The following MAN2A1 variants were observed in gnomAD, a reference collection of about 807,000 sequenced individuals.
MAN2A1 encodes the protein alpha-mannosidase 2.
Under a neutral mutation model 142.6 loss-of-function variants are expected in MAN2A1, and 76 were observed. The ratio of observed to expected loss-of-function variants is 0.53; its 90% confidence interval spans 0.44 to 0.65. MAN2A1 has a LOEUF of 0.65. MAN2A1 is among the 30% of genes least tolerant of loss of function. The probability of loss-of-function intolerance (pLI) is 0.00; values close to 1 mark genes in which losing one functional copy is unlikely to be tolerated. For missense variants in MAN2A1, 1,311 were observed against 1,365.1 expected (o/e 0.96, Z 0.62); for synonymous variants, 559 against 473.2 (o/e 1.18, Z -2.35).
intron 1 of MAN2A1, among the ~76,000 whole-genome samples, chr5:109,702,841 G>A (rs1203611095): frequency 1.3e-5 from 2 of 152,106 alleles, no homozygotes; most frequent in Non-Finnish European, 2.9e-5. Context: ...GTCTCACCTT[G>A]CCCTTGTAGA....
intron 16 of MAN2A1, among the ~76,000 whole-genome samples, chr5:109,828,401 C>T (rs541983254): frequency 1.3e-4 from 20 of 152,236 alleles, no homozygotes; most frequent in Middle Eastern, 3.4e-3. Flanking sequence ...AACAGAAGCT[C>T]CTGTATCCTC....
At chr5:109,808,843 A>C (rs945885382) in intron 12 of MAN2A1, among the ~76,000 whole-genome samples, 9 of 151,750 alleles carry the variant, frequency 5.9e-5, no homozygotes, top group Non-Finnish European at 1.3e-4. Context: ...AGCTGGGACT[A>C]CACACACGCA....
intron 12 of MAN2A1, among the ~76,000 whole-genome samples, chr5:109,800,930 C>A (rs2216555): frequency 0.38 from 57,604 of 151,914 alleles, 11,862 homozygotes; most frequent in African/African-American, 0.55. Context: ...AGTGATGAAC[C>A]CTTATGGGAA....
At chr5:109,839,380 C>A (rs750183859) in intron 16 of MAN2A1, among the ~76,000 whole-genome samples, 20 of 152,082 alleles carry the variant, frequency 1.3e-4, no homozygotes, top group Non-Finnish European at 2.9e-4. Flanking sequence ...TGTGTGATTT[C>A]TTTTTCAACT....
chr5:109,840,724 G>A (rs899311277), intron 16 of MAN2A1: 3 of 375,594 alleles, frequency 8.0e-6, no homozygotes, highest in Admixed American at 6.3e-5. Flanking sequence ...TATGGCCCAA[G>A]GGGGATGGAA....
chr5:109,756,324 A>G (rs1752687135), intron 5 of MAN2A1, among the ~76,000 whole-genome samples: 1 of 152,178 alleles, frequency 6.6e-6, no homozygotes, highest in Non-Finnish European at 1.5e-5. Flanking sequence ...GTGATATTTA[A>G]TATTTGCATT....
chr5:109,798,750 C>T (rs984361257), intron 12 of MAN2A1, among the ~76,000 whole-genome samples: 11 of 152,212 alleles, frequency 7.2e-5, no homozygotes, highest in Admixed American at 2.0e-4. Flanking sequence ...GGCACAATCT[C>T]GGCTTACTGC....
intron 19 of MAN2A1, among the ~76,000 whole-genome samples, chr5:109,850,227 A>G (rs980252988): frequency 6.6e-6 from 1 of 152,230 alleles, no homozygotes; most frequent in African/African-American, 2.4e-5. Context: ...ATGAATGAAT[A>G]TCGAAATGCA....
intron 6 of MAN2A1, among the ~76,000 whole-genome samples, chr5:109,768,096 A>G (rs1356390487): frequency 6.6e-6 from 1 of 152,162 alleles, no homozygotes; most frequent in Non-Finnish European, 1.5e-5. Context: ...TCTCGTCTCT[A>G]CATCTTGTAA....
chr5:109,770,597 G>A, intron 7 of MAN2A1, 56 bp downstream of exon 7: 1 of 1,496,322 alleles, frequency 6.7e-7, no homozygotes. Context: ...CCACTTAGCT[G>A]CTAGTTGCTG....
chr5:109,722,671 C>T (rs538914001), intron 3 of MAN2A1, among the ~76,000 whole-genome samples: 1 of 152,296 alleles, frequency 6.6e-6, no homozygotes, highest in South Asian at 2.1e-4. Context: ...CCGCCTTGGC[C>T]TCCCAAAGTG....
At chr5:109,822,479 G>T (rs1754651876) in intron 15 of MAN2A1, among the ~76,000 whole-genome samples, 1 of 151,964 alleles carries the variant, frequency 6.6e-6, no homozygotes, top group African/African-American at 2.4e-5. Flanking sequence ...AAAACATCAG[G>T]GAAAGAGGCA....
chr5:109,806,448 C>T (rs1219200532), intron 12 of MAN2A1, among the ~76,000 whole-genome samples: 2 of 152,154 alleles, frequency 1.3e-5, no homozygotes, highest in East Asian at 3.9e-4. Context: ...ACCATAACAT[C>T]TGAAAAACTC....
chr5:109,836,877 C>T (rs944206067), intron 16 of MAN2A1, among the ~76,000 whole-genome samples: 2 of 152,006 alleles, frequency 1.3e-5, no homozygotes, highest in African/African-American at 4.8e-5. Flanking sequence ...GGTCTTACAA[C>T]TGTAGAAAAG....
intron 4 of MAN2A1, among the ~76,000 whole-genome samples, chr5:109,731,825 T>G (rs1391699438): frequency 6.7e-6 from 1 of 148,740 alleles, no homozygotes; most frequent in Admixed American, 6.7e-5. Flanking sequence ...TAAACATACA[T>G]GTGCATGTGT....
rs141317398 is a variant in MAN2A1 at position 109,865,416 on chromosome 5, A to G, written c.3282+270A>G. On this transcript the variant is annotated intron_variant, in intron 21 of 21. Transcript: ENST00000261483. ...TTCCTAGGCCTTCTATTTCCAGCCTACAAAGTGCCTTGCTCCCAGTCCCCC... is the reference window on the plus strand; with the variant it reads ...TTCCTAGGCCTTCTATTTCCAGCCTGCAAAGTGCCTTGCTCCCAGTCCCCC... 3.7e-4 allele frequency: 147 copies of G among 400,204 alleles called. No individual in the cohort carries two copies. The East Asian group carries it at 7.7e-3, about 21-fold the overall frequency. The allele number at this position is 400,204 out of a possible 1,614,324, so 24.8% of individuals were successfully genotyped here.
Position 109,767,680 on chromosome 5 carries a change from A to T in MAN2A1, c.981A>T (p.Thr327=). 2 of 1,612,900 alleles carry T rather than the reference A, an allele frequency of 1.2e-6. No homozygotes were observed. The highest frequency in any genetic ancestry group is 1.3e-5 in the African/African-American group (1 of 74,988). ...AVKKHFALHK[T]LEFFWRQNWD... is the part of the protein sequence containing the mutation. Reference sequence around the variant, plus strand: ...AAAAACACTTTGCACTGCATAAAACATTGGAGTTTTTTTGGAGACAGAATT... The same window carrying T: ...AAAAACACTTTGCACTGCATAAAACTTTGGAGTTTTTTTGGAGACAGAATT... The change falls in exon 6 of 22, where the codon ACA becomes ACT. Residue 327 remains threonine, a synonymous_variant. Coordinates refer to ENST00000261483, the MANE Select transcript of MAN2A1 (RefSeq NM_002372.4).
chr5:109,741,536 A>G (rs1752267494), intron 4 of MAN2A1, among the ~76,000 whole-genome samples: 1 of 152,164 alleles, frequency 6.6e-6, no homozygotes, highest in African/African-American at 2.4e-5. Flanking sequence ...TGAGCTATGG[A>G]TTAAATCTGT....
At position 109,819,709 on chromosome 5, in the gene MAN2A1, T is replaced by C; in HGVS notation, c.2150T>C (p.Val717Ala). The change falls in exon 14 of 22, where the codon GTG becomes GCG. Residue 717 changes from valine to alanine, a missense_variant. By Grantham distance (64) the Val-to-Ala change is moderately conservative. Transcript: ENST00000261483. ...RAHIPPLGLK[V>A]YKILESASSN... ...CATATACCGCCATTGGGACTGAAAG[T>C]GTATAAGATTTTGGAATCAGCAAGT... The C allele has an allele frequency of 6.2e-7, 1 of 1,610,958 alleles. No homozygotes were observed. Among genetic ancestry groups the C allele is most frequent in the Non-Finnish European group, 8.5e-7 (1 of 1,178,816 alleles).
Sources: allele counts gnomAD v4.1 joint callset (sites outside exome capture counted in the v4.1 genomes callset), GRCh38; gene constraint gnomAD v4.1.1; transcripts MANE v1.5; gene names NCBI Gene and HGNC (gene_info 2026-07-23, HGNC 2026-07-21).